STK32A: variants seen among roughly 807,000 people sequenced by gnomAD.
STK32A encodes serine/threonine kinase 32A.
STK32A carries 41 observed loss-of-function variants against 53.2 expected under a neutral mutation model. The ratio of observed to expected loss-of-function variants is 0.77; its 90% confidence interval spans 0.60 to 1.00. The LOEUF is 1.00. Among genes scored for constraint, STK32A ranks in the 50% least tolerant of loss-of-function variants. STK32A has a pLI of 0.00. For missense variants in STK32A, 458 were observed against 485.8 expected, an observed-to-expected ratio of 0.94 and a Z score of 0.54; for synonymous variants, 166 against 162.8, an observed-to-expected ratio of 1.02 and a Z score of -0.15.
At chr5:147,253,316 G>T (rs1467940803) in intron 2 of STK32A, among the ~76,000 whole-genome samples, 1 of 152,092 alleles carries the variant, frequency 6.6e-6, no homozygotes, top group Non-Finnish European at 1.5e-5. Flanking sequence ...TGAGGGAAGA[G>T]AAGAATATTT....
In STK32A at chr5:147,384,425, A is replaced by G. The variant is rs1315746510; in HGVS notation, c.*442A>G. 6.5e-7 allele frequency: 1 copy of G among 1,534,490 alleles called. No homozygotes were observed. ...ACTCAGTGAGACTTTTCAGACCTCG[A>G]AAGTTTCATAAAGTGGTCAGAATGC... On this transcript the variant is annotated 3_prime_UTR_variant, in exon 13 of 13. Transcript: ENST00000397936.
At chr5:147,291,613 C>G (rs751197544) in intron 4 of STK32A, among the ~76,000 whole-genome samples, 1 of 151,264 alleles carries the variant, frequency 6.6e-6, no homozygotes, top group Non-Finnish European at 1.5e-5. Context: ...GGAAAGTCAA[C>G]TAAAAACATC....
At chr5:147,322,177 A>T (rs1294290011) in intron 4 of STK32A, among the ~76,000 whole-genome samples, 1 of 152,218 alleles carries the variant, frequency 6.6e-6, no homozygotes, top group Non-Finnish European at 1.5e-5. Context: ...AGAGATGACC[A>T]GCCAGTCACT....
At chr5:147,321,553 C>A (rs1184517414) in intron 4 of STK32A, among the ~76,000 whole-genome samples, 2 of 152,214 alleles carry the variant, frequency 1.3e-5, no homozygotes, top group Admixed American at 1.3e-4. Flanking sequence ...GATTAATAAT[C>A]CCCTGCACAT....
At chr5:147,330,022 G>A (rs1754788117) in intron 5 of STK32A, among the ~76,000 whole-genome samples, 2 of 152,196 alleles carry the variant, frequency 1.3e-5, no homozygotes, top group African/African-American at 2.4e-5. Context: ...TTTCCACTAT[G>A]CTGGATTAGT....
At chr5:147,320,903 T>C (rs928934317) in intron 4 of STK32A, among the ~76,000 whole-genome samples, 5 of 152,048 alleles carry the variant, frequency 3.3e-5, no homozygotes, top group Non-Finnish European at 7.4e-5. Context: ...CTGTAGACCA[T>C]GGAAAGAGGT....
chr5:147,253,617 A>G (rs1209964142), intron 2 of STK32A, among the ~76,000 whole-genome samples: 1 of 152,150 alleles, frequency 6.6e-6, no homozygotes, highest in Non-Finnish European at 1.5e-5. Context: ...CAGCCTCTCA[A>G]GGTGCTGGGA....
At chr5:147,335,471 C>A (rs1343557521) in intron 5 of STK32A, among the ~76,000 whole-genome samples, 1 of 152,186 alleles carries the variant, frequency 6.6e-6, no homozygotes, top group Non-Finnish European at 1.5e-5. Flanking sequence ...GTGGCCACTT[C>A]ATCCTCAGCT....
intron 4 of STK32A, among the ~76,000 whole-genome samples, chr5:147,299,738 G>T (rs1753038792): frequency 6.6e-6 from 1 of 152,148 alleles, no homozygotes; most frequent in Admixed American, 6.5e-5. Context: ...GCGACAAGTG[G>T]GTTTCTACGG....
At chr5:147,393,618 A>G in the STK32A span, 38 of 176,110 alleles carry the variant, frequency 2.2e-4, no homozygotes, top group African/African-American at 9.5e-4. Context: ...GCCCCTCTGC[A>G]CCCTCCACCT....
intron 4 of STK32A, among the ~76,000 whole-genome samples, chr5:147,300,388 C>T (rs6880913): frequency 0.82 from 124,547 of 152,110 alleles, 51,807 homozygotes; most frequent in African/African-American, 0.95. Flanking sequence ...GAGACTCCTG[C>T]AAAAATATGT....
intron 2 of STK32A, among the ~76,000 whole-genome samples, chr5:147,273,097 A>G (rs1469875488): frequency 1.3e-5 from 2 of 152,316 alleles, no homozygotes; most frequent in African/African-American, 4.8e-5. Flanking sequence ...TCCAAGCATC[A>G]GGGTGTTATA....
At chr5:147,324,158 T>G (rs1007837096) in intron 5 of STK32A, 87 bp downstream of exon 5, 1 of 1,280,856 alleles carries the variant, frequency 7.8e-7, no homozygotes. Context: ...TTATTGAACA[T>G]GACATTTAAT....
intron 6 of STK32A, among the ~76,000 whole-genome samples, chr5:147,347,664 T>C (rs1401582572): frequency 6.6e-6 from 1 of 152,204 alleles, no homozygotes; most frequent in Non-Finnish European, 1.5e-5. Context: ...ACTCAAGGCC[T>C]GGGCTAATGA....
chr5:147,248,684 A>G (rs200045847), intron 2 of STK32A, among the ~76,000 whole-genome samples: 3 of 152,184 alleles, frequency 2.0e-5, no homozygotes, highest in East Asian at 3.8e-4. Context: ...GGATCCAGCA[A>G]CAGGAAAAGA....
chr5:147,258,967 G>A (rs1050697314), intron 2 of STK32A, among the ~76,000 whole-genome samples: 1 of 152,086 alleles, frequency 6.6e-6, no homozygotes, highest in Non-Finnish European at 1.5e-5. Context: ...TTGGCTGAGT[G>A]CAAACAGCTC....
At chr5:147,310,614 C>T (rs1382354909) in intron 4 of STK32A, among the ~76,000 whole-genome samples, 1 of 152,208 alleles carries the variant, frequency 6.6e-6, no homozygotes, top group African/African-American at 2.4e-5. Context: ...AGACTAGTTT[C>T]TCTGTGATCG....
At chr5:147,260,049 C>CT (rs539031069) in intron 2 of STK32A, among the ~76,000 whole-genome samples, 1 of 142,068 alleles carries the variant, frequency 7.0e-6, no homozygotes, top group African/African-American at 2.7e-5. Context: ...TCCTGTCTCT[C>CT]CTCTCTCTCT....
chr5:147,321,279 T>C (rs1042204042), intron 4 of STK32A, among the ~76,000 whole-genome samples: 2 of 152,232 alleles, frequency 1.3e-5, no homozygotes, highest in Non-Finnish European at 2.9e-5. Flanking sequence ...TCACTCATTT[T>C]AAAAAATCAG....
Sources: allele counts gnomAD v4.1 joint callset (sites outside exome capture counted in the v4.1 genomes callset), GRCh38; gene constraint gnomAD v4.1.1; transcripts MANE v1.5; gene names NCBI Gene and HGNC (gene_info 2026-07-23, HGNC 2026-07-21).